GPC3: variants seen among roughly 807,000 people sequenced by gnomAD.
GPC3 encodes the protein glypican 3.
Under a neutral mutation model 34.4 loss-of-function variants are expected in GPC3, and 3 were observed. The observed-to-expected ratio is 0.09, with a 90% CI of 0.04 to 0.23. The LOEUF (loss-of-function observed/expected upper bound fraction) is 0.23, where lower values mean the gene tolerates loss of function less well. Ranked by LOEUF, GPC3 falls within the 10% of genes least tolerant of loss-of-function variation. The probability of loss-of-function intolerance (pLI) is 1.00; values close to 1 mark genes in which losing one functional copy is unlikely to be tolerated. For missense variants in GPC3, 351 were observed against 445.6 expected (o/e 0.79, Z 1.91); for synonymous variants, 177 against 174.0 (o/e 1.02, Z -0.13).
intron 3 of GPC3, among the ~76,000 whole-genome samples, chrX:133,739,701 AAAAACAAAAC>A (rs1312810424): frequency 9.1e-6 from 1 of 110,051 alleles, no homozygotes; most frequent in East Asian, 2.8e-4. Flanking sequence ...AAACAAAAAC[AAAAACAAAAC>A]AAAACAAAAC....
At chrX:133,890,904 G>A (rs1309579729) in intron 2 of GPC3, among the ~76,000 whole-genome samples, 3 of 107,928 alleles carry the variant, frequency 2.8e-5, no homozygotes, top group Admixed American at 1.0e-4. Flanking sequence ...TTACTGGTAC[G>A]TGTAATTCCA....
At chrX:133,744,897 C>T (rs1401585623) in intron 3 of GPC3, among the ~76,000 whole-genome samples, 1 of 110,467 alleles carries the variant, frequency 9.1e-6, no homozygotes, top group Non-Finnish European at 1.9e-5. Flanking sequence ...TCATTCTCAG[C>T]AAACTAACAC....
chrX:133,828,230 C>T (rs1454556293), intron 2 of GPC3, among the ~76,000 whole-genome samples: 1 of 111,163 alleles, frequency 9.0e-6, no homozygotes. Context: ...AATCTAGGCT[C>T]ACTGCAACCT....
intron 3 of GPC3, among the ~76,000 whole-genome samples, chrX:133,742,868 T>C (rs2071575911): frequency 8.9e-6 from 1 of 112,083 alleles, no homozygotes; most frequent in South Asian, 3.8e-4. Context: ...ACTTTATCTG[T>C]TTTAGGCATT....
intron 2 of GPC3, among the ~76,000 whole-genome samples, chrX:133,932,974 A>G (rs1185121560): frequency 9.0e-6 from 1 of 111,507 alleles, no homozygotes; most frequent in Non-Finnish European, 1.9e-5. Flanking sequence ...CCCTTATATA[A>G]GTGTGCATAT....
intron 6 of GPC3, among the ~76,000 whole-genome samples, chrX:133,620,622 T>A (rs1489785293): frequency 9.0e-6 from 1 of 111,126 alleles, no homozygotes; most frequent in Admixed American, 9.6e-5. Flanking sequence ...GGGAGCCAGA[T>A]ATGCCTCATT....
intron 2 of GPC3, chrX:133,763,150 C>A: frequency 2.7e-6 from 2 of 733,460 alleles, no homozygotes; most frequent in Non-Finnish European, 4.2e-6. Context: ...CTTTCAGGAG[C>A]CGCAGCTTCT....
chrX:133,692,376 C>T lies in GPC3; in HGVS notation c.1285G>A (p.Val429Met), dbSNP rs11539789. The T allele has an allele frequency of 4.6e-3, 5,541 of 1,210,255 alleles. 24 individuals are homozygous for T. The highest frequency in any genetic ancestry group is 0.016 in the Admixed American group (753 of 45,940). ...ACTTTCAAAAAAGATCACCTCTCCA[C>T]GAGTTCTTGTCCATTCCAGCAAAGG... ...DTLCWNGQEL[V>M]ERYSQKAARN... The change falls in exon 5 of 8, where the codon GTG (valine) becomes ATG (methionine). Residue 429 changes from valine to methionine, a missense_variant. Coordinates refer to ENST00000370818, the MANE Select transcript of GPC3 (RefSeq NM_004484.4).
At chrX:133,961,140 G>T (rs914478411) in intron 1 of GPC3, among the ~76,000 whole-genome samples, 1 of 111,725 alleles carries the variant, frequency 9.0e-6, no homozygotes, top group African/African-American at 3.3e-5. Context: ...GCTGGCGAAA[G>T]AAATCATCTT....
chrX:133,797,719 G>A (rs746995521), intron 2 of GPC3, among the ~76,000 whole-genome samples: 45 of 110,247 alleles, frequency 4.1e-4, no homozygotes, highest in Non-Finnish European at 7.8e-4. Flanking sequence ...AGTCCCAGCT[G>A]CTTGGGAGGC....
intron 1 of GPC3, among the ~76,000 whole-genome samples, chrX:133,959,644 GTACT>G (rs1181947082): frequency 8.9e-6 from 1 of 112,421 alleles, no homozygotes; most frequent in Non-Finnish European, 1.9e-5. Flanking sequence ...ATCATCAATA[GTACT>G]TAGTTATTAC....
At chrX:133,655,518 A>C (rs1027751961) in intron 6 of GPC3, among the ~76,000 whole-genome samples, 1 of 110,008 alleles carries the variant, frequency 9.1e-6, no homozygotes, top group East Asian at 2.8e-4. Context: ...ACACACACAC[A>C]CACACACACA....
chrX:133,699,849 C>A, intron 4 of GPC3, 46 bp downstream of exon 4: 2 of 1,117,242 alleles, frequency 1.8e-6, no homozygotes, highest in Non-Finnish European at 2.4e-6. Context: ...CCTTAAAATA[C>A]AATTGTTAAT....
chrX:133,716,431 A>G (rs2071314046), intron 3 of GPC3, among the ~76,000 whole-genome samples: 2 of 112,238 alleles, frequency 1.8e-5, no homozygotes, highest in Admixed American at 1.9e-4. Flanking sequence ...GAACTAAAAG[A>G]TGGTAGGAGA....
At chrX:133,631,845 G>A (rs765783298) in intron 6 of GPC3, among the ~76,000 whole-genome samples, 38 of 109,009 alleles carry the variant, frequency 3.5e-4, no homozygotes, top group Non-Finnish European at 6.5e-4. Flanking sequence ...ACTCATTGTG[G>A]TTTTAACTTA....
chrX:133,891,646 T>A (rs1047955063), intron 2 of GPC3, among the ~76,000 whole-genome samples: 1 of 107,097 alleles, frequency 9.3e-6, no homozygotes, highest in South Asian at 4.0e-4. Context: ...ATAATTATTA[T>A]AATAATAATA....
intron 6 of GPC3, among the ~76,000 whole-genome samples, chrX:133,614,469 GAA>G (rs764520267): frequency 0.069 from 6,580 of 95,887 alleles, 528 homozygotes; most frequent in African/African-American, 0.23. Flanking sequence ...AACACTGAAA[GAA>G]AAAAAAAAAA....
At chrX:133,694,171 C>T (rs987002785) in intron 4 of GPC3, among the ~76,000 whole-genome samples, 1 of 110,812 alleles carries the variant, frequency 9.0e-6, no homozygotes, top group African/African-American at 3.3e-5. Flanking sequence ...CCATAAAACT[C>T]TTCATTTCAA....
chrX:133,545,910 CA>C (rs369994310), intron 7 of GPC3, among the ~76,000 whole-genome samples: 65 of 97,892 alleles, frequency 6.6e-4, no homozygotes, highest in South Asian at 8.9e-4. Flanking sequence ...GACTATTAGC[CA>C]AAAAAAAAAA....
Sources: gnomAD v4.1 joint callset for allele counts (sites outside exome capture counted in the v4.1 genomes callset) on GRCh38, gnomAD v4.1.1 for gene constraint, MANE v1.5 for transcripts, NCBI Gene and HGNC (gene_info 2026-07-23, HGNC 2026-07-21) for gene names.